Variants in PRELID2 observed in about 807,000 individuals in gnomAD.
The protein encoded by PRELID2 is PRELI domain-containing protein 2.
PRELID2 carries 25 observed loss-of-function variants against 28.4 expected under a neutral mutation model. That is an observed-to-expected ratio of 0.88 (90% CI 0.64 to 1.23). The LOEUF is 1.23. PRELID2 is among the 50% of genes most tolerant of loss of function. PRELID2 has a pLI of 0.00. For synonymous variants in PRELID2, 76 were observed against 71.6 expected, an observed-to-expected ratio of 1.06 and a Z score of -0.31; for missense variants, 201 against 214.4, an observed-to-expected ratio of 0.94 and a Z score of 0.39.
intron 1 of PRELID2, among the ~76,000 whole-genome samples, chr5:145,742,589 A>G (rs1329890906): frequency 1.3e-5 from 2 of 150,822 alleles, no homozygotes; most frequent in Non-Finnish European, 3.0e-5. Flanking sequence ...TAATGTGTGG[A>G]ACAGAATTAA....
the PRELID2 span, among the ~76,000 whole-genome samples, chr5:145,417,354 T>C: frequency 6.6e-6 from 1 of 152,172 alleles, no homozygotes; most frequent in Non-Finnish European, 1.5e-5. Flanking sequence ...ACTGAAATGA[T>C]TCCAAACAAC....
At chr5:145,509,594 G>T (rs894122503) in intron 1 of PRELID2, among the ~76,000 whole-genome samples, 7 of 152,186 alleles carry the variant, frequency 4.6e-5, no homozygotes, top group Non-Finnish European at 1.0e-4. Flanking sequence ...AGAACCATAA[G>T]TAATAATGAT....
chr5:145,596,453 A>C (rs1753307875), intron 1 of PRELID2, among the ~76,000 whole-genome samples: 1 of 152,034 alleles, frequency 6.6e-6, no homozygotes. Flanking sequence ...AATCAGCCAA[A>C]ACATTGGGTG....
At chr5:145,467,760 A>G (rs1752015100), downstream of PRELID2, among the ~76,000 whole-genome samples, 1 of 140,872 alleles carries the variant, frequency 7.1e-6, no homozygotes, top group Admixed American at 7.2e-5. Context: ...GCCTGACTTT[A>G]CAGATTTTTT....
chr5:145,557,931 C>T (rs1341160886), intron 1 of PRELID2, among the ~76,000 whole-genome samples: 2 of 152,054 alleles, frequency 1.3e-5, no homozygotes, highest in South Asian at 2.1e-4. Context: ...GGCTACAAAA[C>T]GAGATCAGAA....
At chr5:145,561,730 C>A (rs189741408) in intron 1 of PRELID2, among the ~76,000 whole-genome samples, 1 of 152,316 alleles carries the variant, frequency 6.6e-6, no homozygotes, top group East Asian at 1.9e-4. Context: ...CATAGCCTCT[C>A]ACCTTGAACT....
At chr5:145,743,068 C>T (rs1055532302) in intron 1 of PRELID2, among the ~76,000 whole-genome samples, 17 of 151,602 alleles carry the variant, frequency 1.1e-4, no homozygotes, top group East Asian at 3.9e-4. Flanking sequence ...AATTAGGGGG[C>T]GGGGCTAAAA....
Position 145,474,863 on chromosome 5 carries a change from T to C in PRELID2, n.71-1548A>G, listed in dbSNP as rs146822799. 1.5e-3 allele frequency among the ~76,000 whole-genome samples: 229 copies of C among 152,282 alleles called. 1 individual carries two copies. Among genetic ancestry groups the C allele is most frequent in the African/African-American group, 5.3e-3 (221 of 41,552 alleles). On this transcript the variant is annotated intron_variant and non_coding_transcript_variant, in intron 1 of 2. Transcript: ENST00000510259. ...TAGTCTAGTGGTGATAATCAATAGA[T>C]TAACTCATTTATTCCTCATGGGGTA...
chr5:145,480,853 A>G (rs1435389587), intron 1 of PRELID2, among the ~76,000 whole-genome samples: 1 of 152,214 alleles, frequency 6.6e-6, no homozygotes, highest in Non-Finnish European at 1.5e-5. Context: ...GGCAAATAGT[A>G]AGTATTCATT....
At chr5:145,652,579 G>C (rs550489327) in intron 1 of PRELID2, among the ~76,000 whole-genome samples, 1 of 152,212 alleles carries the variant, frequency 6.6e-6, no homozygotes, top group African/African-American at 2.4e-5. Flanking sequence ...AGACAGAAGA[G>C]AGTGGGGGCC....
the PRELID2 span, among the ~76,000 whole-genome samples, chr5:145,389,011 G>A: frequency 3.3e-5 from 5 of 152,066 alleles, no homozygotes; most frequent in Non-Finnish European, 7.3e-5. Flanking sequence ...CCACTGTAGT[G>A]CTAGCTCCTA....
the PRELID2 span, among the ~76,000 whole-genome samples, chr5:145,424,299 T>G: frequency 2.0e-5 from 3 of 152,316 alleles, no homozygotes; most frequent in South Asian, 2.1e-4. Context: ...GTTTACCTAA[T>G]CAAGCCTGGG....
Position 145,743,717 on chromosome 5 carries a change from A to G in PRELID2, n.70+21214T>C, listed in dbSNP as rs141306518. ...AAGATCCCACTGGCGAAACCACGCT[A>G]CAGAGGGCTGGGGTCCCAACCCTGG... is the stretch of plus-strand genomic sequence containing the variant. On this transcript the variant is annotated intron_variant and non_coding_transcript_variant, in intron 1 of 2. Transcript: ENST00000510259. 4.9e-3 allele frequency among the ~76,000 whole-genome samples: 749 copies of G among 152,304 alleles called. 6 individuals carry two copies. The highest frequency in any genetic ancestry group is 0.017 in the African/African-American group (717 of 41,586).
chr5:145,415,743 G>A, the PRELID2 span, among the ~76,000 whole-genome samples: 1 of 151,872 alleles, frequency 6.6e-6, no homozygotes, highest in Non-Finnish European at 1.5e-5. Flanking sequence ...ATAAACATAT[G>A]TGTGCATGTG....
At chr5:145,475,989 C>T (rs991238240) in intron 1 of PRELID2, among the ~76,000 whole-genome samples, 1 of 152,290 alleles carries the variant, frequency 6.6e-6, no homozygotes, top group East Asian at 1.9e-4. Context: ...CATGTTCTCA[C>T]TCTATCCTGC....
At chr5:145,655,951 A>C (rs1426982485) in intron 1 of PRELID2, among the ~76,000 whole-genome samples, 1 of 152,226 alleles carries the variant, frequency 6.6e-6, no homozygotes, top group Admixed American at 6.5e-5. Context: ...AACTACCATC[A>C]GAGTGAACAG....
rs368500949 is a variant in PRELID2 at position 145,825,131 on chromosome 5, C to T, written c.76-1997G>A. On this transcript the variant is annotated intron_variant, in intron 1 of 6. Coordinates refer to ENST00000683046, the MANE Select transcript of PRELID2 (RefSeq NM_205846.3). ...GTCCCAGCTACTCAGGATGCTGAGGCAGGAGAATTGCTTGAACCTGGGAGG... is the reference window on the plus strand; with the variant it reads ...GTCCCAGCTACTCAGGATGCTGAGGTAGGAGAATTGCTTGAACCTGGGAGG... 3.4e-3 allele frequency among the ~76,000 whole-genome samples: 471 copies of T among 140,026 alleles called. 2 individuals are homozygous for T. Among genetic ancestry groups the T allele is most frequent in the African/African-American group, 0.012 (457 of 38,176 alleles). 91.9% of individuals were successfully genotyped at this position (140,026 alleles called of 152,430 possible). A position where few individuals can be genotyped will look rare whatever the true frequency, so the allele number is the denominator to read the frequency against.
the PRELID2 span, among the ~76,000 whole-genome samples, chr5:145,351,143 G>A: frequency 6.6e-6 from 1 of 152,092 alleles, no homozygotes; most frequent in African/African-American, 2.4e-5. Context: ...GGCAGAGATG[G>A]GATTCAAACT....
the PRELID2 span, among the ~76,000 whole-genome samples, chr5:145,417,066 G>C: frequency 1.3e-5 from 2 of 151,908 alleles, no homozygotes; most frequent in Admixed American, 1.3e-4. Context: ...GAAATGATAA[G>C]GGAGATATCA....
Sources: allele counts gnomAD v4.1 joint callset (sites outside exome capture counted in the v4.1 genomes callset), GRCh38; gene constraint gnomAD v4.1.1; transcripts MANE v1.5; gene names NCBI Gene and HGNC (gene_info 2026-07-23, HGNC 2026-07-21).